Variants in KDR observed in about 807,000 individuals in gnomAD.
KDR encodes kinase insert domain receptor.
Under a neutral mutation model 160.9 loss-of-function variants are expected in KDR, and 43 were observed. That is an observed-to-expected ratio of 0.27 (90% CI 0.21 to 0.34). The LOEUF is 0.34. Ranked by LOEUF, KDR falls within the 10% of genes least tolerant of loss-of-function variation. The probability of loss-of-function intolerance (pLI) is 1.00; values close to 1 mark genes in which losing one functional copy is unlikely to be tolerated. For synonymous variants in KDR, 617 were observed against 600.1 expected, an observed-to-expected ratio of 1.03 and a Z score of -0.41; for missense variants, 1,469 against 1,666.4, an observed-to-expected ratio of 0.88 and a Z score of 2.06.
chr4:55,109,271 C>T (rs900048627), intron 9 of KDR, among the ~76,000 whole-genome samples: 2 of 152,098 alleles, frequency 1.3e-5, no homozygotes, highest in Admixed American at 1.3e-4. Context: ...TTAGTAGAGA[C>T]GGGTTTTCAT....
In KDR at chr4:55,104,901, T is replaced by C; in HGVS notation, c.1729A>G (p.Thr577Ala). Residue 577 changes from threonine (T) to alanine (A), a missense_variant, in exon 13 of 30, where the codon ACG (threonine) becomes GCG (alanine). Physicochemically the swap from Thr to Ala is moderately conservative, Grantham distance 58. Around this residue, in one of 7 missense-constraint regions of KDR, gnomAD observed 792 missense variants for 840.9 expected, o/e 0.94. Transcript: ENST00000263923. ...TTGTACCATGTGAGGTTCTCAAACG[T>C]AGATCTGTCTGCAGTGCACCACAAA... ...VSLWCTADRS[T>A]FENLTWYKLG... The C allele has an allele frequency of 1.2e-6, 2 of 1,613,934 alleles. No homozygotes were observed.
At chr4:55,124,558 G>T (rs1271332204) in intron 1 of KDR, among the ~76,000 whole-genome samples, 4 of 152,144 alleles carry the variant, frequency 2.6e-5, no homozygotes, top group Non-Finnish European at 5.9e-5. Flanking sequence ...AGGACAGTTG[G>T]CTGTTACTTG....
intron 27 of KDR, among the ~76,000 whole-genome samples, chr4:55,087,266 A>G (rs1474607876): frequency 2.0e-5 from 3 of 152,250 alleles, no homozygotes; most frequent in Non-Finnish European, 4.4e-5. Flanking sequence ...ATTCACATTA[A>G]TAAAAGCATA....
chr4:55,085,374 G>A (rs1420967558), intron 27 of KDR, among the ~76,000 whole-genome samples: 1 of 152,158 alleles, frequency 6.6e-6, no homozygotes. Context: ...AGCTCCCACA[G>A]TGATATCTCT....
intron 19 of KDR, 41 bp downstream of exon 19, chr4:55,096,188 A>G (rs749430010): frequency 9.7e-7 from 1 of 1,033,702 alleles, no homozygotes; most frequent in Non-Finnish European, 1.5e-6. Context: ...TCAGAGAGGC[A>G]TGTTAAAATT....
In KDR at chr4:55,115,060, A is replaced by G. The variant is rs747392043; in HGVS notation, c.490-18T>C. 1 of 1,602,478 alleles carries G rather than the reference A, an allele frequency of 6.2e-7. No homozygotes were observed. Among genetic ancestry groups the G allele is most frequent in the Non-Finnish European group, 8.5e-7 (1 of 1,170,032 alleles). On this transcript the variant is annotated intron_variant, in intron 4 of 29. Coordinates refer to ENST00000263923, the MANE Select transcript of KDR (RefSeq NM_002253.4). ...GGGTATCTCTGGGTAATAAAAAGAC[A>G]TATCAAATATTTAATCCAGTACCAA...
At chr4:55,100,094 G>A (rs1470864290) in intron 15 of KDR, among the ~76,000 whole-genome samples, 2 of 152,152 alleles carry the variant, frequency 1.3e-5, no homozygotes, top group African/African-American at 4.8e-5. Context: ...ATCACTTGGG[G>A]CCTCCCATCA....
chr4:55,107,791 G>A lies in KDR; in HGVS notation c.1358C>T (p.Pro453Leu), dbSNP rs769193899. Reference sequence around the variant, plus strand: ...CTGCCAATACCAGTGGATGTGATGCGGGGGAGGAATGGCATAGACCGTACA... The same window carrying A: ...CTGCCAATACCAGTGGATGTGATGCAGGGGAGGAATGGCATAGACCGTACA... ...LTCTVYAIPP[P>L]HHIHWYWQLE... Residue 453 changes from proline (P) to leucine (L), a missense_variant, in exon 10 of 30, where the codon CCG becomes CTG. Transcript: ENST00000263923. 44 of 1,613,872 alleles carry A rather than the reference G, an allele frequency of 2.7e-5. No homozygotes were observed. Among genetic ancestry groups the A allele is most frequent in the African/African-American group, 4.0e-5 (3 of 74,890 alleles).
At chr4:55,103,343 G>C (rs911972500) in intron 13 of KDR, among the ~76,000 whole-genome samples, 1 of 152,180 alleles carries the variant, frequency 6.6e-6, no homozygotes, top group African/African-American at 2.4e-5. Context: ...TTAGCAAAAT[G>C]AGATTACCTC....
chr4:55,098,438 C>T (rs2305946), intron 16 of KDR, among the ~76,000 whole-genome samples, 166 bp from the exon 17 acceptor site: 32,028 of 152,016 alleles, frequency 0.21, 3,804 homozygotes, highest in East Asian at 0.46. Flanking sequence ...TTTCCCTTGT[C>T]CCCCAAAGGA....
At chr4:55,089,328 T>G in intron 25 of KDR, 46 bp downstream of exon 25, 1 of 1,390,912 alleles carries the variant, frequency 7.2e-7, no homozygotes, top group African/African-American at 1.4e-5. Flanking sequence ...CAAGGAGAAT[T>G]TGCGAGCAAA....
rs532976544 is a variant in KDR, at chr4:55,122,738, C to G, written c.68-1548G>C. ...TCTCAGAAATTAACTGGCATTGGTA[C>G]TGACTTATGTTTAGAACAGTTTTGT... On this transcript the variant is annotated intron_variant, in intron 1 of 29. Transcript: ENST00000263923. The G allele has an allele frequency of 1.7e-4, 26 of 152,272 alleles. 1 individual carries two copies. The highest frequency in any genetic ancestry group is 5.5e-4 in the African/African-American group (23 of 41,564). 9.4% of individuals were successfully genotyped at this position (152,272 alleles called of 1,614,324 possible). A position where few individuals can be genotyped will look rare whatever the true frequency, so the allele number is the denominator to read the frequency against.
chr4:55,125,153 T>G, intron 1 of KDR, 74 bp downstream of exon 1: 2 of 1,340,104 alleles, frequency 1.5e-6, no homozygotes, highest in Non-Finnish European at 2.1e-6. Flanking sequence ...CGATTCCGAG[T>G]TAGATCTGGC....
chr4:55,094,553 G>C (rs1044496097), intron 21 of KDR, among the ~76,000 whole-genome samples: 5 of 152,202 alleles, frequency 3.3e-5, no homozygotes, highest in Non-Finnish European at 7.3e-5. Flanking sequence ...TGTGGTTGTA[G>C]CCGACTGCTT....
At position 55,104,626 on chromosome 4, in the gene KDR, C is replaced by T. The variant is rs2110022676; in HGVS notation, c.1987+17G>A. On this transcript the variant is annotated intron_variant, in intron 13 of 29. Transcript: ENST00000263923. ...TTCCAACTGCCTCTGCACAATGATC[C>T]AGAATTGTCTCCCTACCTAGGACTG... 1 of 1,604,750 alleles carries T rather than the reference C, an allele frequency of 6.2e-7. No individual in the cohort carries two copies. Among genetic ancestry groups the T allele is most frequent in the Non-Finnish European group, 8.5e-7 (1 of 1,172,626 alleles).
At chr4:55,125,178 C>T (rs1386378737) in intron 1 of KDR, 49 bp downstream of exon 1, 3 of 1,545,794 alleles carry the variant, frequency 1.9e-6, no homozygotes, top group African/African-American at 1.4e-5. Flanking sequence ...AGGTCCTCTC[C>T]GCCCTCACCC....
At chr4:55,112,460 T>C (rs1157714629) in intron 7 of KDR, among the ~76,000 whole-genome samples, 1 of 151,992 alleles carries the variant, frequency 6.6e-6, no homozygotes, top group Non-Finnish European at 1.5e-5. Context: ...ATGTTATCAG[T>C]AGGGCTTCCA....
At chr4:55,109,104 A>G (rs1720510994) in intron 9 of KDR, among the ~76,000 whole-genome samples, 2 of 150,182 alleles carry the variant, frequency 1.3e-5, no homozygotes, top group African/African-American at 2.5e-5. Context: ...TTTTTTTGAG[A>G]CGGAGTTTTG....
At chr4:55,084,498 T>C (rs917339369) in intron 27 of KDR, among the ~76,000 whole-genome samples, 1 of 152,190 alleles carries the variant, frequency 6.6e-6, no homozygotes, top group South Asian at 2.1e-4. Context: ...ATTTTTTAAA[T>C]GGCATGATCC....
Sources: allele counts gnomAD v4.1 joint callset (sites outside exome capture counted in the v4.1 genomes callset), GRCh38; gene constraint gnomAD v4.1.1; regional missense constraint gnomAD v4.1.1; transcripts MANE v1.5; gene names NCBI Gene and HGNC (gene_info 2026-07-23, HGNC 2026-07-21).